The following KLRD1 variants were observed in gnomAD, a reference collection of about 807,000 sequenced individuals.
KLRD1 encodes the protein natural killer cells antigen CD94.
In KLRD1, 21 loss-of-function variants were observed where a neutral mutation model predicts 22.6. The observed-to-expected ratio is 0.93, with a 90% CI of 0.66 to 1.34. The LOEUF (loss-of-function observed/expected upper bound fraction) is 1.34. Ranked by LOEUF, KLRD1 falls within the 40% of genes most tolerant of loss-of-function variation. The pLI is 0.00. For missense variants in KLRD1, 183 were observed against 208.6 expected (o/e 0.88, Z 0.76); for synonymous variants, 59 against 71.1 (o/e 0.83, Z 0.85).
chr12:10,292,112 T>G (rs994607281), intron 1 of KLRD1, among the ~76,000 whole-genome samples: 1 of 152,204 alleles, frequency 6.6e-6, no homozygotes, highest in Non-Finnish European at 1.5e-5. Context: ...TCTTCAGGCT[T>G]CACTTCTCAT....
intron 1 of KLRD1, among the ~76,000 whole-genome samples, chr12:10,239,472 TCCTTCCTTCCTTCTTC>T (rs1265273938): frequency 1.5e-5 from 2 of 132,364 alleles, no homozygotes; most frequent in South Asian, 2.7e-4. Context: ...CTTCCTTCCT[TCCTTCCTTCCTTCTTC>T]CTTCCTTCCT....
intron 1 of KLRD1, among the ~76,000 whole-genome samples, chr12:10,286,661 G>GTTTTTTTTTTTTTTTTTTTT (rs1565459881): frequency 2.0e-5 from 1 of 49,318 alleles, no homozygotes; most frequent in African/African-American, 7.1e-5. Flanking sequence ...CGCTTATGGT[G>GTTTTTTTTTTTTTTTTTTTT]CTTTTTTTTT....
intron 1 of KLRD1, among the ~76,000 whole-genome samples, chr12:10,287,751 G>C (rs1949721457): frequency 6.6e-6 from 1 of 152,074 alleles, no homozygotes; most frequent in East Asian, 1.9e-4. Flanking sequence ...TTAATTATCT[G>C]TCTAAATACG....
chr12:10,312,724 T>G (rs1950115564), intron 4 of KLRD1, among the ~76,000 whole-genome samples: 1 of 150,022 alleles, frequency 6.7e-6, no homozygotes, highest in South Asian at 2.2e-4. Context: ...GCGCAGTGGC[T>G]GAAACCTGTA....
rs566174025 is a variant in KLRD1, at chr12:10,279,611, A to T, written c.-100-28367A>T. 8.5e-5 allele frequency among the ~76,000 whole-genome samples: 13 copies of T among 152,336 alleles called. No homozygotes were observed. The East Asian group carries it at 2.3e-3, about 27-fold the overall frequency. The stretch of plus-strand genomic sequence containing the variant: ...TCTGTTTACAAATTACGTTACCTAA[A>T]TACATCCAATTGAGACAAAATCTCA... On this transcript the variant is annotated intron_variant, in intron 1 of 5. Coordinates refer to the KLRD1 transcript ENST00000544747.
chr12:10,298,800 T>G (rs1239310596), intron 1 of KLRD1, among the ~76,000 whole-genome samples: 3 of 152,344 alleles, frequency 2.0e-5, no homozygotes, highest in Non-Finnish European at 2.9e-5. Flanking sequence ...ATCTATAATC[T>G]ATAGAAACAA....
In KLRD1 at chr12:10,326,173, T is replaced by C. The variant is rs1950359959; in HGVS notation, c.*11380T>C. ...TGGGTTACTTGTGTTTTTTTTAATATTGAGTTGTAGGAGTTCTTTATATGT... is the reference window on the plus strand; with the variant it reads ...TGGGTTACTTGTGTTTTTTTTAATACTGAGTTGTAGGAGTTCTTTATATGT... On this transcript the variant is annotated 3_prime_UTR_variant, in exon 6 of 6. Transcript: ENST00000336164. 1 of 152,160 alleles carries C rather than the reference T, an allele frequency of 6.6e-6. No homozygotes were observed. The highest frequency in any genetic ancestry group is 2.1e-4 in the South Asian group (1 of 4,832). The allele number at this position is 152,160 out of a possible 1,614,324, so 9.4% of individuals were successfully genotyped here.
rs1270018858 is a variant in KLRD1 at position 10,321,042 on chromosome 12, G to A, written c.*6249G>A. ...ATTCAAAAGTAAGAATAATTCAAAGGACAGAACTAAGAGCCTGTAAGGTGG... is the reference window on the plus strand; with the variant it reads ...ATTCAAAAGTAAGAATAATTCAAAGAACAGAACTAAGAGCCTGTAAGGTGG... On this transcript the variant is annotated 3_prime_UTR_variant, in exon 6 of 6. Transcript: ENST00000336164. The A allele has an allele frequency of 6.6e-6, 1 of 152,168 alleles. No individual in the cohort carries two copies. Among genetic ancestry groups the A allele is most frequent in the Non-Finnish European group, 1.5e-5 (1 of 68,032 alleles). 9.4% of individuals were successfully genotyped at this position (152,168 alleles called of 1,614,324 possible). A position where few individuals can be genotyped will look rare whatever the true frequency, so the allele number is the denominator to read the frequency against.
rs1950374765 is a variant in KLRD1 at position 10,327,816 on chromosome 12, A to G, written c.*13023A>G. ...ATGCACTTTACATATAGGGCCTTCA[A>G]AATGTTGAAATATTTTTCTCAAATT... On this transcript the variant is annotated 3_prime_UTR_variant, in exon 6 of 6. Coordinates refer to ENST00000336164, the MANE Select transcript of KLRD1 (RefSeq NM_002262.5). 1 of 152,190 alleles carries G rather than the reference A, an allele frequency of 6.6e-6. No homozygotes were observed. The highest frequency in any genetic ancestry group is 2.4e-5 in the African/African-American group (1 of 41,454). 9.4% of individuals were successfully genotyped at this position (152,190 alleles called of 1,614,324 possible).
At chr12:10,309,208 C>G in intron 1 of KLRD1, 180 bp from the exon 2 acceptor site, 1 of 508,860 alleles carries the variant, frequency 2.0e-6, no homozygotes, top group Non-Finnish European at 3.5e-6. Context: ...AGATACATCA[C>G]ATAAAAATGT....
Position 10,276,523 on chromosome 12 carries a change from TTTTC to T in KLRD1, c.-100-31451_-100-31448del, listed in dbSNP as rs1389367309. On this transcript the variant is annotated intron_variant, in intron 1 of 5. Coordinates refer to the KLRD1 transcript ENST00000544747. Reference sequence around the variant, plus strand: ...TATCTTGGTATTGAGAATAAGAAATTTTTCTTTTTCTTTTTTTCTTTTGAATCGG... The same window carrying T: ...TATCTTGGTATTGAGAATAAGAAATTTTTTTCTTTTTTTCTTTTGAATCGG... 2.6e-5 allele frequency among the ~76,000 whole-genome samples: 4 copies of T among 151,992 alleles called. No homozygotes were observed. The East Asian group carries it at 7.7e-4, about 29-fold the overall frequency.
In KLRD1 at chr12:10,319,355, C is replaced by T. The variant is rs1950288778; in HGVS notation, c.*4562C>T. 1 of 152,172 alleles carries T rather than the reference C, an allele frequency of 6.6e-6. No homozygotes were observed. The highest frequency in any genetic ancestry group is 1.9e-4 in the East Asian group (1 of 5,204). The allele number at this position is 152,172 out of a possible 1,614,324, so 9.4% of individuals were successfully genotyped here. A position where few individuals can be genotyped will look rare whatever the true frequency, so the allele number is the denominator to read the frequency against. On this transcript the variant is annotated 3_prime_UTR_variant, in exon 6 of 6. Coordinates refer to ENST00000336164, the MANE Select transcript of KLRD1 (RefSeq NM_002262.5). ...AATCTGTGTTCATTTTAAAGGGTGA[C>T]AATCTACAAATTATGTGTTATAGAC...
At chr12:10,295,292 G>T (rs950329886) in intron 1 of KLRD1, among the ~76,000 whole-genome samples, 4 of 151,648 alleles carry the variant, frequency 2.6e-5, no homozygotes, top group Non-Finnish European at 4.4e-5. Context: ...GTTTTATTTT[G>T]AGTTATTTCT....
rs112780531 is a variant in KLRD1 at position 10,315,826 on chromosome 12, G to C, written c.*1033G>C. 4,614 of 152,004 alleles carry C rather than the reference G, an allele frequency of 0.03. 140 individuals are homozygous for C. Among genetic ancestry groups the C allele is most frequent in the Non-Finnish European group, 0.045 (3,061 of 67,964 alleles). 9.4% of individuals were successfully genotyped at this position (152,004 alleles called of 1,614,324 possible). A position where few individuals can be genotyped will look rare whatever the true frequency, so the allele number is the denominator to read the frequency against. ...AATTAATTTTGATTGACTTAGGATG[G>C]AAGGATTTGGACTGGGTGTGGTGGT... On this transcript the variant is annotated 3_prime_UTR_variant, in exon 6 of 6. Transcript: ENST00000336164.
At chr12:10,266,849 A>G (rs1592041027) in intron 1 of KLRD1, among the ~76,000 whole-genome samples, 1 of 133,786 alleles carries the variant, frequency 7.5e-6, no homozygotes, top group Admixed American at 8.5e-5. Context: ...ATGTGAAATC[A>G]CTTACAGCCT....
At position 10,326,221 on chromosome 12, in the gene KLRD1, G is replaced by C. The variant is rs1388263968; in HGVS notation, c.*11428G>C. ...TGTTTTGGATATTGACTCCTTTTCTGATATATGATTTGCAATTATTTTCTC... is the reference window on the plus strand; with the variant it reads ...TGTTTTGGATATTGACTCCTTTTCTCATATATGATTTGCAATTATTTTCTC... On this transcript the variant is annotated 3_prime_UTR_variant, in exon 6 of 6. Coordinates refer to ENST00000336164, the MANE Select transcript of KLRD1 (RefSeq NM_002262.5). 1 of 151,932 alleles carries C rather than the reference G, an allele frequency of 6.6e-6. No individual in the cohort carries two copies. Among genetic ancestry groups the C allele is most frequent in the Non-Finnish European group, 1.5e-5 (1 of 67,986 alleles). 9.4% of individuals were successfully genotyped at this position (151,932 alleles called of 1,614,324 possible).
At chr12:10,293,694 TAAA>T (rs961539438) in intron 1 of KLRD1, among the ~76,000 whole-genome samples, 14 of 150,504 alleles carry the variant, frequency 9.3e-5, no homozygotes, top group Non-Finnish European at 1.8e-4. Context: ...GCACATGCTT[TAAA>T]AAAAAAATGG....
At chr12:10,265,588 A>G (rs1023015736) in intron 1 of KLRD1, among the ~76,000 whole-genome samples, 2 of 152,100 alleles carry the variant, frequency 1.3e-5, no homozygotes, top group Non-Finnish European at 2.9e-5. Context: ...GAAACCCTGT[A>G]TCTATTAAAA....
At chr12:10,311,324 G>A in intron 3 of KLRD1, 140 bp from the exon 4 acceptor site, 1 of 591,092 alleles carries the variant, frequency 1.7e-6, no homozygotes, top group Middle Eastern at 4.2e-4. Context: ...GTTCACATTA[G>A]TAGCCCCTGA....
Sources: allele counts gnomAD v4.1 joint callset (sites outside exome capture counted in the v4.1 genomes callset), GRCh38; gene constraint gnomAD v4.1.1; transcripts MANE v1.5; gene names NCBI Gene and HGNC (gene_info 2026-07-23, HGNC 2026-07-21).